The following CEP63 variants were observed in gnomAD, a reference collection of about 807,000 sequenced individuals.
The protein encoded by CEP63 is centrosomal protein of 63 kDa.
In CEP63, 84 loss-of-function variants were observed where a neutral mutation model predicts 89.1. The observed-to-expected ratio is 0.94, with a 90% CI of 0.79 to 1.13. CEP63 has a LOEUF of 1.13. Ranked by LOEUF, CEP63 falls within the 50% of genes most tolerant of loss-of-function variation. CEP63 has a pLI of 0.00. For synonymous variants in CEP63, 267 were observed against 272.5 expected, an observed-to-expected ratio of 0.98 and a Z score of 0.20; for missense variants, 838 against 813.3, an observed-to-expected ratio of 1.03 and a Z score of -0.37.
chr3:134,659,418 C>T, the CEP63 span, among the ~76,000 whole-genome samples: 1 of 152,182 alleles, frequency 6.6e-6, no homozygotes, highest in Non-Finnish European at 1.5e-5. Flanking sequence ...CTCACATAGT[C>T]TTCACAATAG....
rs146445195 is a variant in CEP63, at chr3:134,505,395, G to A, written c.45-1714G>A. ...GCCATAATCAGTATCAGTGGTTTCT[G>A]TGAGTTTTTCAGTGACTTGGACTGT... On this transcript the variant is annotated intron_variant, in intron 2 of 14. Coordinates refer to ENST00000675561, the MANE Select transcript of CEP63 (RefSeq NM_001353108.3). Among the ~76,000 whole-genome samples, 754 of 152,266 alleles carry A rather than the reference G, an allele frequency of 5.0e-3. 29 individuals are homozygous for A. The highest frequency in any genetic ancestry group is 0.047 in the Admixed American group (712 of 15,294).
At chr3:134,572,173 C>T (rs1396045808) in intron 11 of CEP63, among the ~76,000 whole-genome samples, 2 of 152,120 alleles carry the variant, frequency 1.3e-5, no homozygotes, top group African/African-American at 2.4e-5. Context: ...TGGTTCCCTG[C>T]GAACATTCAC....
At chr3:134,595,436 G>A in the CEP63 span, among the ~76,000 whole-genome samples, 2 of 152,130 alleles carry the variant, frequency 1.3e-5, no homozygotes, top group Admixed American at 6.5e-5. Context: ...GTGTGAGAAC[G>A]GACTAAACAG....
At chr3:134,664,605 A>G in the CEP63 span, among the ~76,000 whole-genome samples, 24 of 152,086 alleles carry the variant, frequency 1.6e-4, no homozygotes, top group Non-Finnish European at 2.9e-5. Flanking sequence ...GGATGGGGCC[A>G]TTTGTTTGCG....
the CEP63 span, among the ~76,000 whole-genome samples, chr3:134,714,720 C>T: frequency 1.3e-5 from 2 of 152,362 alleles, no homozygotes; most frequent in Admixed American, 1.3e-4. Flanking sequence ...AGACTGTATA[C>T]AGGTGGTTGT....
the CEP63 span, among the ~76,000 whole-genome samples, chr3:134,616,060 G>A: frequency 1.2e-4 from 18 of 152,216 alleles, no homozygotes; most frequent in Admixed American, 9.2e-4. Flanking sequence ...ACTGGAGGCC[G>A]ACTCAAGAGC....
At chr3:134,593,333 A>T in the CEP63 span, among the ~76,000 whole-genome samples, 8 of 152,158 alleles carry the variant, frequency 5.3e-5, no homozygotes, top group East Asian at 1.3e-3. Context: ...GGACTTTTCT[A>T]GTCATTGTAC....
chr3:134,584,557 T>C (rs1243486041), intron 10 of CEP63, among the ~76,000 whole-genome samples: 2 of 152,226 alleles, frequency 1.3e-5, no homozygotes, highest in Non-Finnish European at 2.9e-5. Context: ...AGCTTTTTGA[T>C]GTGCTGCTAG....
the CEP63 span, among the ~76,000 whole-genome samples, chr3:134,774,130 A>G: frequency 6.6e-6 from 1 of 152,146 alleles, no homozygotes; most frequent in Non-Finnish European, 1.5e-5. Flanking sequence ...AGGGGGTCCC[A>G]TTGACATGCT....
chr3:134,512,255 G>T (rs1945156522), intron 3 of CEP63, among the ~76,000 whole-genome samples: 1 of 152,300 alleles, frequency 6.6e-6, no homozygotes, highest in South Asian at 2.1e-4. Flanking sequence ...ATACTTGGTG[G>T]ATCACTAATA....
At chr3:134,608,660 A>T in the CEP63 span, 1 of 1,614,002 alleles carries the variant, frequency 6.2e-7, no homozygotes, top group Non-Finnish European at 8.5e-7. Flanking sequence ...TGTTCTGATC[A>T]TGGAAGTCTC....
chr3:134,632,242 AT>A, the CEP63 span, among the ~76,000 whole-genome samples: 1 of 152,116 alleles, frequency 6.6e-6, no homozygotes, highest in Admixed American at 6.5e-5. Flanking sequence ...TATAGAAGAA[AT>A]GAACTACACA....
At chr3:134,500,805 G>C (rs1043051674) in intron 2 of CEP63, among the ~76,000 whole-genome samples, 1 of 151,340 alleles carries the variant, frequency 6.6e-6, no homozygotes, top group Non-Finnish European at 1.5e-5. Flanking sequence ...TCTGTCGGTA[G>C]TTTTTTTTTC....
the CEP63 span, among the ~76,000 whole-genome samples, chr3:134,622,216 C>A: frequency 6.6e-6 from 1 of 152,114 alleles, no homozygotes; most frequent in African/African-American, 2.4e-5. Flanking sequence ...CCAAGGTACG[C>A]AACCAAAAAA....
chr3:134,763,066 T>A, the CEP63 span, among the ~76,000 whole-genome samples: 3 of 151,710 alleles, frequency 2.0e-5, no homozygotes, highest in Non-Finnish European at 4.4e-5. Context: ...GGCATCATAT[T>A]TTTTTTTCTC....
the CEP63 span, among the ~76,000 whole-genome samples, chr3:134,708,419 A>T: frequency 6.6e-6 from 1 of 152,244 alleles, no homozygotes; most frequent in Non-Finnish European, 1.5e-5. Flanking sequence ...CTGGAAATTT[A>T]TAAGCTGTGT....
intron 3 of CEP63, among the ~76,000 whole-genome samples, chr3:134,530,624 GT>G: frequency 6.6e-6 from 1 of 152,004 alleles, no homozygotes; most frequent in African/African-American, 2.4e-5. Context: ...TTTTTCATTA[GT>G]TTTAAGCTCA....
chr3:134,543,390 G>C (rs1271198837), intron 6 of CEP63, among the ~76,000 whole-genome samples: 1 of 152,132 alleles, frequency 6.6e-6, no homozygotes, highest in Non-Finnish European at 1.5e-5. Flanking sequence ...ATTTGTACTT[G>C]AGTTGATTAA....
At chr3:134,678,111 C>T in the CEP63 span, among the ~76,000 whole-genome samples, 1 of 152,264 alleles carries the variant, frequency 6.6e-6, no homozygotes, top group African/African-American at 2.4e-5. Context: ...ACCTGCTTCT[C>T]AGATGCCCTC....
Sources: allele counts gnomAD v4.1 joint callset (sites outside exome capture counted in the v4.1 genomes callset), GRCh38; gene constraint gnomAD v4.1.1; transcripts MANE v1.5; gene names NCBI Gene and HGNC (gene_info 2026-07-23, HGNC 2026-07-21).